LTBP1: variants seen among roughly 807,000 people sequenced by gnomAD.
LTBP1 encodes the protein latent transforming growth factor beta binding protein 1.
Under a neutral mutation model 207.6 loss-of-function variants are expected in LTBP1, and 129 were observed. The ratio of observed to expected loss-of-function variants is 0.62; its 90% CI spans 0.54 to 0.72. LTBP1 has a LOEUF of 0.72. Among genes scored for constraint, LTBP1 ranks in the 30% least tolerant of loss-of-function variants. The pLI is 0.00. For synonymous variants in LTBP1, 963 were observed against 833.7 expected (o/e 1.16, Z -2.67); for missense variants, 2,281 against 2,217.2 (o/e 1.03, Z -0.58).
At position 33,118,300 on chromosome 2, in the gene LTBP1, C is replaced by G. The variant is rs1572711315; in HGVS notation, c.1033+7549C>G. ...TGGAAGTTGGACCAGCCATGAATGACCTTACAAGAGCTGATGAAAACCAGC... is the reference window on the plus strand; with the variant it reads ...TGGAAGTTGGACCAGCCATGAATGAGCTTACAAGAGCTGATGAAAACCAGC... On this transcript the variant is annotated intron_variant, in intron 4 of 33. Transcript: ENST00000404816. Among the ~76,000 whole-genome samples, 6 of 151,998 alleles carry G rather than the reference C, an allele frequency of 3.9e-5. 1 individual carries two copies. The highest frequency in any genetic ancestry group is 1.4e-4 in the African/African-American group (6 of 41,462).
chr2:33,301,486 C>T (rs1431834803), intron 21 of LTBP1, 36 bp from the exon 22 acceptor site: 1 of 1,533,554 alleles, frequency 6.5e-7, no homozygotes, highest in South Asian at 1.3e-5. Flanking sequence ...TTTGAAGCAC[C>T]ACTTCCACAG....
chr2:33,083,068 T>A (rs2078538049), intron 3 of LTBP1, among the ~76,000 whole-genome samples: 1 of 151,932 alleles, frequency 6.6e-6, no homozygotes, highest in South Asian at 2.1e-4. Context: ...CCCCAGCAGC[T>A]CTGCTTGTGA....
chr2:33,263,244 T>C (rs1436085205), intron 14 of LTBP1, 50 bp from the exon 15 acceptor site: 2 of 1,063,194 alleles, frequency 1.9e-6, no homozygotes, highest in Non-Finnish European at 2.9e-6. Context: ...GGGATCTCAA[T>C]GCACATAACG....
At chr2:33,215,009 G>A (rs984062098) in intron 7 of LTBP1, among the ~76,000 whole-genome samples, 3 of 151,996 alleles carry the variant, frequency 2.0e-5, no homozygotes, top group Non-Finnish European at 4.4e-5. Context: ...TTTCGAGAGG[G>A]CAATTAGACT....
Position 33,365,480 on chromosome 2 carries a change from C to A in LTBP1, c.4688C>A (p.Ala1563Asp). 1 of 1,613,906 alleles carries A rather than the reference C, an allele frequency of 6.2e-7. No individual in the cohort carries two copies. Among genetic ancestry groups the A allele is most frequent in the Non-Finnish European group, 8.5e-7 (1 of 1,179,894 alleles). The part of the protein sequence containing the change: ...LYGEAWGMQC[A>D]LCPLKDSDDY... The stretch of plus-strand genomic sequence containing the variant: ...GGAGAGGCCTGGGGCATGCAGTGTG[C>A]CCTCTGCCCCCTGAAGGATTCAGGT... The change falls in exon 31 of 34, where the codon GCC becomes GAC. Residue 1563 changes from alanine to aspartate, a missense_variant. Ala to Asp is a moderately radical substitution (Grantham distance 126). Coordinates refer to ENST00000404816, the MANE Select transcript of LTBP1 (RefSeq NM_206943.4).
Position 33,370,328 on chromosome 2 carries a change from A to C in LTBP1, c.4711+4825A>C, listed in dbSNP as rs148426084. The stretch of plus-strand genomic sequence containing the variant: ...ACAAATGCAGAAATAATTGTTCTTA[A>C]TGTAAGACTGTCTTTTCTAGACCAC... On this transcript the variant is annotated intron_variant, in intron 31 of 33. Coordinates refer to ENST00000404816, the MANE Select transcript of LTBP1 (RefSeq NM_206943.4). 2.0e-5 allele frequency among the ~76,000 whole-genome samples: 3 copies of C among 152,350 alleles called. 1 individual carries two copies. In the South Asian group the frequency reaches 6.2e-4, roughly 32 times the overall value.
At chr2:33,115,571 C>G (rs185151200) in intron 4 of LTBP1, among the ~76,000 whole-genome samples, 1 of 152,250 alleles carries the variant, frequency 6.6e-6, no homozygotes, top group East Asian at 1.9e-4. Context: ...TTATGAGACT[C>G]AGTTTCAGCT....
At chr2:33,193,663 T>G (rs1298336122) in intron 7 of LTBP1, among the ~76,000 whole-genome samples, 1 of 152,218 alleles carries the variant, frequency 6.6e-6, no homozygotes, top group African/African-American at 2.4e-5. Flanking sequence ...CTCTGTCACA[T>G]GTTGGTAATT....
At chr2:32,981,589 T>C (rs1682770188) in intron 2 of LTBP1, among the ~76,000 whole-genome samples, 1 of 152,208 alleles carries the variant, frequency 6.6e-6, no homozygotes, top group Non-Finnish European at 1.5e-5. Context: ...ATTTTATTTT[T>C]AGAACAATAA....
At chr2:33,064,400 C>T (rs534656108) in intron 3 of LTBP1, among the ~76,000 whole-genome samples, 3 of 152,258 alleles carry the variant, frequency 2.0e-5, no homozygotes, top group Admixed American at 6.5e-5. Context: ...TGACAGAAGA[C>T]AGGAGAATCC....
intron 5 of LTBP1, among the ~76,000 whole-genome samples, chr2:33,174,257 C>T (rs1490784063): frequency 5.4e-5 from 8 of 146,936 alleles, no homozygotes; most frequent in Non-Finnish European, 1.1e-4. Context: ...CTAGAAAACC[C>T]CATCATCTCA....
intron 7 of LTBP1, among the ~76,000 whole-genome samples, chr2:33,197,799 C>T (rs941874623): frequency 6.6e-6 from 1 of 152,114 alleles, no homozygotes; most frequent in Non-Finnish European, 1.5e-5. Context: ...CTGAACCTGC[C>T]CACTGCCTCG....
chr2:33,202,767 A>G (rs933333348), intron 7 of LTBP1, among the ~76,000 whole-genome samples: 2 of 152,232 alleles, frequency 1.3e-5, no homozygotes, highest in African/African-American at 4.8e-5. Flanking sequence ...CTAAGGCCAC[A>G]TGCCCTTATG....
At chr2:33,243,625 T>C in intron 9 of LTBP1, 37 bp from the exon 10 acceptor site, 1 of 1,610,146 alleles carries the variant, frequency 6.2e-7, no homozygotes, top group Non-Finnish European at 8.5e-7. Flanking sequence ...TCAATGGGGC[T>C]TGACTGCTCC....
chr2:33,142,898 C>G (rs1572835391), intron 5 of LTBP1, among the ~76,000 whole-genome samples: 1 of 152,302 alleles, frequency 6.6e-6, no homozygotes, highest in East Asian at 1.9e-4. Flanking sequence ...AACACAATGT[C>G]ACAAAGTGTG....
chr2:33,071,949 A>C (rs970678797), intron 3 of LTBP1, among the ~76,000 whole-genome samples: 13 of 152,250 alleles, frequency 8.5e-5, no homozygotes, highest in African/African-American at 3.1e-4. Context: ...GTGCACACCA[A>C]CTGAATGTCC....
intron 5 of LTBP1, among the ~76,000 whole-genome samples, chr2:33,157,078 G>T (rs1004246408): frequency 1.3e-5 from 2 of 152,172 alleles, no homozygotes; most frequent in African/African-American, 4.8e-5. Context: ...GCATGCAGGG[G>T]AGGCAGACAT....
At chr2:33,201,348 A>C (rs890802110) in intron 7 of LTBP1, among the ~76,000 whole-genome samples, 1 of 152,152 alleles carries the variant, frequency 6.6e-6, no homozygotes, top group African/African-American at 2.4e-5. Flanking sequence ...GAAATTGGAA[A>C]TCATCATTCT....
At chr2:33,384,083 A>G (rs1460162385) in intron 31 of LTBP1, among the ~76,000 whole-genome samples, 2 of 152,184 alleles carry the variant, frequency 1.3e-5, no homozygotes, top group Non-Finnish European at 1.5e-5. Flanking sequence ...TGCCCTGCAC[A>G]TGTGTCTGTC....
Sources: gnomAD v4.1 joint callset for allele counts (sites outside exome capture counted in the v4.1 genomes callset) on GRCh38, gnomAD v4.1.1 for gene constraint, MANE v1.5 for transcripts, NCBI Gene and HGNC (gene_info 2026-07-23, HGNC 2026-07-21) for gene names.